AREL1: variants seen among roughly 807,000 people sequenced by gnomAD.
AREL1 encodes the protein apoptosis-resistant E3 ubiquitin protein ligase 1.
In AREL1, 62 loss-of-function variants were observed where a neutral mutation model predicts 99.0. The observed-to-expected ratio is 0.63, with a 90% CI of 0.51 to 0.77. The LOEUF (loss-of-function observed/expected upper bound fraction) is 0.77, where lower values mean the gene tolerates loss of function less well. AREL1 is among the 30% of genes least tolerant of loss of function. The pLI, the probability that AREL1 is intolerant of heterozygous loss-of-function variation, is 0.00. For synonymous variants in AREL1, 380 were observed against 376.5 expected (o/e 1.01, Z -0.11); for missense variants, 879 against 1,027.6 (o/e 0.86, Z 1.98).
chr14:74,663,631 T>C lies in AREL1; in HGVS notation c.*89A>G, dbSNP rs2089136957. On this transcript the variant is annotated 3_prime_UTR_variant, in exon 20 of 20. Coordinates refer to ENST00000356357, the MANE Select transcript of AREL1 (RefSeq NM_001039479.2). ...TGCGGCATCTTCTGGCTGATGGTTA[T>C]GTGTGTTAGGATCAGTGGTTATGAT... 7.8e-7 allele frequency: 1 copy of C among 1,289,164 alleles called. No homozygotes were observed. Among genetic ancestry groups the C allele is most frequent in the South Asian group, 1.2e-5 (1 of 83,978 alleles). 79.9% of individuals were successfully genotyped at this position (1,289,164 alleles called of 1,614,324 possible).
intron 1 of AREL1, among the ~76,000 whole-genome samples, chr14:74,707,755 C>A (rs563138912): frequency 1.4e-5 from 2 of 144,260 alleles, no homozygotes; most frequent in African/African-American, 5.2e-5. Context: ...GATCGCGCCA[C>A]TGCACTCCAG....
In AREL1 at chr14:74,668,491, T is replaced by A. The variant is rs184431815; in HGVS notation, c.1915-897A>T. Among the ~76,000 whole-genome samples, 4 of 152,276 alleles carry A rather than the reference T, an allele frequency of 2.6e-5. No individual in the cohort carries two copies. In the East Asian group the frequency reaches 7.7e-4, roughly 29 times the overall value. On this transcript the variant is annotated intron_variant, in intron 15 of 19. Coordinates refer to ENST00000356357, the MANE Select transcript of AREL1 (RefSeq NM_001039479.2). ...GGATTTTTTTTTTAATGTAAGCATT[T>A]CTATCTAGGAGACTGAGAAATAAAT...
intron 2 of AREL1, among the ~76,000 whole-genome samples, chr14:74,686,495 T>C (rs1316555966): frequency 6.6e-6 from 1 of 152,236 alleles, no homozygotes; most frequent in Non-Finnish European, 1.5e-5. Flanking sequence ...GCACAGGCTG[T>C]ATATGCTATT....
At chr14:74,665,739 G>T (rs941745825) in intron 17 of AREL1, among the ~76,000 whole-genome samples, 2 of 152,144 alleles carry the variant, frequency 1.3e-5, no homozygotes, top group African/African-American at 4.8e-5. Context: ...TCCTAATTTG[G>T]TTCAGGATCC....
chr14:74,674,245 T>C, intron 8 of AREL1, 134 bp from the exon 9 acceptor site: 1 of 686,650 alleles, frequency 1.5e-6, no homozygotes, highest in South Asian at 1.8e-5. Flanking sequence ...AGTAATAATT[T>C]AGTGAGTACT....
At chr14:74,687,600 A>G (rs1166631169) in intron 2 of AREL1, among the ~76,000 whole-genome samples, 1 of 152,152 alleles carries the variant, frequency 6.6e-6, no homozygotes, top group Non-Finnish European at 1.5e-5. Context: ...ATGCCCCATC[A>G]TTCATAATGT....
intron 11 of AREL1, 64 bp downstream of exon 11, chr14:74,672,767 G>A: frequency 5.0e-6 from 8 of 1,603,386 alleles, no homozygotes; most frequent in Non-Finnish European, 6.8e-6. Flanking sequence ...ACAGTAACCT[G>A]CAGAATATAG....
intron 2 of AREL1, among the ~76,000 whole-genome samples, chr14:74,688,056 C>A: frequency 7.9e-6 from 1 of 126,752 alleles, no homozygotes; most frequent in East Asian, 2.4e-4. Context: ...GACGGAGTCT[C>A]ACACTGTCAC....
intron 1 of AREL1, among the ~76,000 whole-genome samples, chr14:74,706,672 A>G (rs977004429): frequency 2.0e-5 from 3 of 152,246 alleles, no homozygotes; most frequent in Non-Finnish European, 4.4e-5. Flanking sequence ...CCACATGCCA[A>G]GCAATATGTT....
intron 1 of AREL1, chr14:74,711,907 CCTT>C (rs1158078955): frequency 3.3e-5 from 5 of 151,832 alleles, no homozygotes; most frequent in Non-Finnish European, 7.4e-5. Context: ...ACAATGGTCA[CCTT>C]CTTTTTTAAA....
At chr14:74,683,564 G>A in intron 4 of AREL1, 31 bp from the exon 5 acceptor site, 1 of 1,601,904 alleles carries the variant, frequency 6.2e-7, no homozygotes, top group Non-Finnish European at 8.6e-7. Context: ...ACACCTGTTA[G>A]CAAGCAGAGG....
chr14:74,686,727 AG>A (rs2089756649), intron 2 of AREL1, among the ~76,000 whole-genome samples: 1 of 152,332 alleles, frequency 6.6e-6, no homozygotes, highest in African/African-American at 2.4e-5. Flanking sequence ...CAATATACCC[AG>A]TGGAACCCAC....
intron 8 of AREL1, among the ~76,000 whole-genome samples, chr14:74,675,363 C>T (rs538039671): frequency 6.6e-6 from 1 of 152,306 alleles, no homozygotes; most frequent in South Asian, 2.1e-4. Context: ...AAGAAACTAA[C>T]ACAAAGTGCT....
chr14:74,680,512 T>C (rs906052015), intron 5 of AREL1, among the ~76,000 whole-genome samples: 2 of 152,148 alleles, frequency 1.3e-5, no homozygotes, highest in Admixed American at 1.3e-4. Context: ...TAAAAGAAAC[T>C]AAGCATACAA....
chr14:74,676,023 A>G (rs1186462959), intron 7 of AREL1, 77 bp from the exon 8 acceptor site: 4 of 1,546,196 alleles, frequency 2.6e-6, no homozygotes, highest in East Asian at 2.3e-5. Context: ...CTTTTAGTCC[A>G]CAGGACAAGC....
intron 7 of AREL1, 80 bp from the exon 8 acceptor site, chr14:74,676,026 G>A: frequency 6.5e-7 from 1 of 1,550,032 alleles, no homozygotes; most frequent in Non-Finnish European, 8.7e-7. Context: ...TTAGTCCACA[G>A]GACAAGCCAA....
chr14:74,676,500 G>A, intron 6 of AREL1, 83 bp downstream of exon 6: 1 of 1,486,764 alleles, frequency 6.7e-7, no homozygotes, highest in Non-Finnish European at 9.1e-7. Flanking sequence ...AGGAAAGAGA[G>A]ATCGAAGTGA....
At chr14:74,671,633 C>A in intron 11 of AREL1, 150 bp from the exon 12 acceptor site, 1 of 492,304 alleles carries the variant, frequency 2.0e-6, no homozygotes, top group Non-Finnish European at 3.6e-6. Context: ...TTTAATGATA[C>A]CACCTGACAT....
chr14:74,699,380 A>T (rs57614901), intron 1 of AREL1, among the ~76,000 whole-genome samples: 20,716 of 130,858 alleles, frequency 0.16, 3,459 homozygotes, highest in African/African-American at 0.44. Context: ...TGTGTGTGAG[A>T]GAGAGAGAGA....
Sources: gnomAD v4.1 joint callset for allele counts (sites outside exome capture counted in the v4.1 genomes callset) on GRCh38, gnomAD v4.1.1 for gene constraint, MANE v1.5 for transcripts, NCBI Gene and HGNC (gene_info 2026-07-23, HGNC 2026-07-21) for gene names.